PTGDS: variants seen among roughly 807,000 people sequenced by gnomAD.
PTGDS encodes prostaglandin D2 synthase, also known as prostaglandin-H2 D-isomerase.
Under a neutral mutation model 28.4 loss-of-function variants are expected in PTGDS, and 21 were observed. That is an observed-to-expected ratio of 0.74 (90% CI 0.52 to 1.07). The LOEUF is 1.07. PTGDS is among the 50% of genes least tolerant of loss of function. PTGDS has a pLI of 0.00. For synonymous variants in PTGDS, 102 were observed against 106.0 expected (o/e 0.96, Z 0.23); for missense variants, 243 against 247.7 (o/e 0.98, Z 0.13).
At chr9:136,980,573 C>T in intron 5 of PTGDS, 1 of 1,286,930 alleles carries the variant, frequency 7.8e-7, no homozygotes, top group Non-Finnish European at 1.1e-6. Context: ...AGAGGGTGCC[C>T]ATGGGGGATA....
Position 136,979,955 on chromosome 9 carries a change from G to GA in PTGDS, c.341_342insA (p.Ser114ArgfsTer45), listed in dbSNP as rs2131397709. ...TCTCTTGGGTTCCCAGACTGGGGCA[G>GA]CACCTACTCCGTGTCAGTGGTGGAG... is the stretch of plus-strand genomic sequence containing the variant. On this transcript the variant is annotated frameshift_variant, in exon 4 of 7. Transcript: ENST00000371625. LOFTEE classifies it high-confidence loss of function. 6.2e-7 allele frequency: 1 copy of GA among 1,613,256 alleles called. No homozygotes were observed. Among genetic ancestry groups the GA allele is most frequent in the East Asian group, 2.2e-5 (1 of 44,866 alleles).
rs1204841938 is a variant in PTGDS, at chr9:136,980,016, G to C, written c.402G>C (p.Gln134His). Reference protein sequence around the residue: ...DYDQYALLYSQGSKGPGEDFR... With the variant: ...DYDQYALLYSHGSKGPGEDFR... ...ACCAGTACGCGCTGCTGTACAGCCA[G>C]GGCAGCAAGGGCCCTGGCGAGGACT... Residue 134 changes from glutamine (Q) to histidine (H), a missense_variant, in exon 4 of 7, where the codon CAG becomes CAC. Physicochemically the swap from Gln to His is conservative, Grantham distance 24. Transcript: ENST00000371625. 6.2e-7 allele frequency: 1 copy of C among 1,613,000 alleles called. No individual in the cohort carries two copies. The highest frequency in any genetic ancestry group is 2.2e-5 in the East Asian group (1 of 44,870).
In PTGDS at chr9:136,978,904, G is replaced by A. The variant is rs553993036; in HGVS notation, c.115-89G>A. The A allele has an allele frequency of 2.6e-6, 4 of 1,546,036 alleles. No individual in the cohort carries two copies. The South Asian group carries it at 4.6e-5, about 18-fold the overall frequency. On this transcript the variant is annotated intron_variant, in intron 1 of 6. Coordinates refer to ENST00000371625, the MANE Select transcript of PTGDS (RefSeq NM_000954.6). ...GGGGGCGGGGCCGGGTTGGAGACCG[G>A]AGGAGTAGACGGCAGAGGCGCCCCC...
At chr9:136,978,861 G>A in intron 1 of PTGDS, 132 bp from the exon 2 acceptor site, 1 of 1,342,456 alleles carries the variant, frequency 7.4e-7, no homozygotes, top group Non-Finnish European at 1.0e-6. Flanking sequence ...GGGCGTGGCT[G>A]CTCGGGGGAT....
Position 136,980,831 on chromosome 9 carries a change from A to G in PTGDS, c.551-2A>G, listed in dbSNP as rs773800827. ...GACAGCCCCTGGCTTCTTTCTTGGC[A>G]GATAAGTGCATGACGGAACAATAGG... On this transcript the variant is annotated splice_acceptor_variant, in intron 5 of 6. Coordinates refer to ENST00000371625, the MANE Select transcript of PTGDS (RefSeq NM_000954.6). LOFTEE classifies it high-confidence loss of function. 3.7e-6 allele frequency: 6 copies of G among 1,613,802 alleles called. No individual in the cohort carries two copies. In the Admixed American group the frequency reaches 1.0e-4, roughly 27 times the overall value.
Position 136,977,647 on chromosome 9 carries a change from A to C in PTGDS, c.69A>C (p.Ala23=). 6.2e-7 allele frequency: 1 copy of C among 1,608,266 alleles called. No individual in the cohort carries two copies. Among genetic ancestry groups the C allele is most frequent in the Non-Finnish European group, 8.5e-7 (1 of 1,178,258 alleles). The part of the protein sequence containing the change: ...LLGVLGDLQA[A]PEAQVSVQPN... ...GGGTGCTGGGCGACCTGCAGGCAGC[A>C]CCGGAGGCCCAGGTCTCCGTGCAGC... Residue 23 remains alanine (A), a synonymous_variant, in exon 1 of 7, where the codon GCA becomes GCC. Transcript: ENST00000371625.
At chr9:136,978,527 C>T (rs1394729346) in intron 1 of PTGDS, among the ~76,000 whole-genome samples, 1 of 109,466 alleles carries the variant, frequency 9.1e-6, no homozygotes, top group Non-Finnish European at 1.9e-5. Context: ...GGGGCCACCT[C>T]CCGGGGCGGG....
In PTGDS at chr9:136,980,157, C is replaced by A. The variant is rs372493481; in HGVS notation, c.449-26C>A. On this transcript the variant is annotated intron_variant, in intron 4 of 6. Transcript: ENST00000371625. ...GCACACAGCATCCCCCCCGCTGAGG[C>A]CAGCTCCGTCTCCACCCTGTCCCAG... is the stretch of plus-strand genomic sequence containing the variant. 59 of 1,612,240 alleles carry A rather than the reference C, an allele frequency of 3.7e-5. No individual in the cohort carries two copies. The African/African-American group carries it at 6.8e-4, about 19-fold the overall frequency.
intron 3 of PTGDS, 36 bp downstream of exon 3, chr9:136,979,335 C>T: frequency 3.8e-6 from 6 of 1,595,060 alleles, no homozygotes; most frequent in Non-Finnish European, 5.1e-6. Flanking sequence ...TGGGCCCAGC[C>T]TGGGGGCGAC....
intron 1 of PTGDS, 127 bp from the exon 2 acceptor site, chr9:136,978,866 G>A (rs1297118519): frequency 7.9e-6 from 11 of 1,391,358 alleles, no homozygotes; most frequent in Non-Finnish European, 9.8e-6. Context: ...TGGCTGCTCG[G>A]GGGATTGGGC....
rs1347503784 is a variant in PTGDS, at chr9:136,979,937, G to C, written c.332-9G>C. On this transcript the variant is annotated splice_polypyrimidine_tract_variant and intron_variant, in intron 3 of 6. Transcript: ENST00000371625. ...GAGTCCCCGACAGGGTTGTCTCTTG[G>C]GTTCCCAGACTGGGGCAGCACCTAC... is the stretch of plus-strand genomic sequence containing the variant. 1 of 1,612,402 alleles carries C rather than the reference G, an allele frequency of 6.2e-7. No homozygotes were observed. Among genetic ancestry groups the C allele is most frequent in the Non-Finnish European group, 8.5e-7 (1 of 1,179,196 alleles).
chr9:136,980,174 C>G lies in PTGDS; in HGVS notation c.449-9C>G, dbSNP rs760634954. On this transcript the variant is annotated splice_polypyrimidine_tract_variant and intron_variant, in intron 4 of 6. Transcript: ENST00000371625. ...CGCTGAGGCCAGCTCCGTCTCCACC[C>G]TGTCCCAGGCCGAACCCAGACCCCC... is the stretch of plus-strand genomic sequence containing the variant. 1 of 1,613,550 alleles carries G rather than the reference C, an allele frequency of 6.2e-7. No homozygotes were observed. The highest frequency in any genetic ancestry group is 8.5e-7 in the Non-Finnish European group (1 of 1,179,836).
chr9:136,978,701 C>T (rs1279938248), intron 1 of PTGDS: 12 of 295,344 alleles, frequency 4.1e-5, no homozygotes, highest in Non-Finnish European at 6.8e-5. Flanking sequence ...GTGGTCAGCT[C>T]CTGGGGCGGG....
At chr9:136,980,651 G>A (rs1191725676) in intron 5 of PTGDS, 182 bp from the exon 6 acceptor site, 2 of 1,555,174 alleles carry the variant, frequency 1.3e-6, no homozygotes, top group Non-Finnish European at 1.7e-6. Context: ...CTTGGCAGAG[G>A]TGGAGAAAGA....
chr9:136,980,357 G>A (rs1830434649), intron 5 of PTGDS, 73 bp downstream of exon 5: 3 of 1,502,792 alleles, frequency 2.0e-6, no homozygotes, highest in Non-Finnish European at 2.7e-6. Context: ...CCTGACTGGG[G>A]GAGGCAGAGG....
intron 1 of PTGDS, among the ~76,000 whole-genome samples, chr9:136,978,604 G>T (rs1487841174): frequency 7.4e-6 from 1 of 135,958 alleles, no homozygotes; most frequent in Non-Finnish European, 1.6e-5. Flanking sequence ...AGCTCCTAGG[G>T]GGGCATGGGG....
chr9:136,979,221 A>G lies in PTGDS; in HGVS notation c.255-2A>G, dbSNP rs751347442. On this transcript the variant is annotated splice_acceptor_variant, in intron 2 of 6. Transcript: ENST00000371625. LOFTEE classifies it high-confidence loss of function. ...CCTGACCCTGAGGTCACCCACCTAC[A>G]GGAAAAACCAGTGTGAGACCCGAAC... 1 of 1,613,072 alleles carries G rather than the reference A, an allele frequency of 6.2e-7. No individual in the cohort carries two copies. The highest frequency in any genetic ancestry group is 8.5e-7 in the Non-Finnish European group (1 of 1,179,860).
In PTGDS at chr9:136,979,205, G is replaced by A; in HGVS notation, c.255-18G>A. 2 of 1,613,118 alleles carry A rather than the reference G, an allele frequency of 1.2e-6. No homozygotes were observed. Among genetic ancestry groups the A allele is most frequent in the Non-Finnish European group, 1.7e-6 (2 of 1,179,886 alleles). On this transcript the variant is annotated intron_variant, in intron 2 of 6. Transcript: ENST00000371625. ...ACCCTCGGGCCTAACCCCTGACCCT[G>A]AGGTCACCCACCTACAGGAAAAACC...
chr9:136,979,868 C>T lies in PTGDS; in HGVS notation c.332-78C>T, dbSNP rs561526866. ...AGGGGCTGAGTGCCCCCAAAGCCCA[C>T]AGGTGCACCCCTTCCCTGAAGCAGA... On this transcript the variant is annotated intron_variant, in intron 3 of 6. Coordinates refer to ENST00000371625, the MANE Select transcript of PTGDS (RefSeq NM_000954.6). The T allele has an allele frequency of 5.2e-5, 71 of 1,371,902 alleles. No individual in the cohort carries two copies. In the East Asian group the frequency reaches 1.5e-3, roughly 30 times the overall value. The allele number at this position is 1,371,902 out of a possible 1,614,324, so 85.0% of individuals were successfully genotyped here.
Sources: gnomAD v4.1 joint callset for allele counts (sites outside exome capture counted in the v4.1 genomes callset) on GRCh38, gnomAD v4.1.1 for gene constraint, MANE v1.5 for transcripts, NCBI Gene and HGNC (gene_info 2026-07-23, HGNC 2026-07-21) for gene names.